The following PRRX2 variants were observed in gnomAD, a reference collection of about 807,000 sequenced individuals.
PRRX2 encodes paired related homeobox 2.
Under a neutral mutation model 18.0 loss-of-function variants are expected in PRRX2, and 11 were observed. The ratio of observed to expected loss-of-function variants is 0.61; its 90% CI spans 0.39 to 1.01. The LOEUF (loss-of-function observed/expected upper bound fraction) is 1.01. Ranked by LOEUF, PRRX2 falls within the 50% of genes least tolerant of loss-of-function variation. The probability of loss-of-function intolerance (pLI) is 0.01; values close to 1 mark genes in which losing one functional copy is unlikely to be tolerated. For synonymous variants in PRRX2, 177 were observed against 154.8 expected (o/e 1.14, Z -1.06); for missense variants, 387 against 351.0 (o/e 1.10, Z -0.82).
At chr9:129,717,818 A>G (rs979053327) in intron 1 of PRRX2, among the ~76,000 whole-genome samples, 2 of 152,134 alleles carry the variant, frequency 1.3e-5, no homozygotes, top group African/African-American at 4.8e-5. Flanking sequence ...TTACTGTGAC[A>G]AGCAGTGTGA....
intron 1 of PRRX2, among the ~76,000 whole-genome samples, chr9:129,692,427 G>T (rs11792380): frequency 0.27 from 40,342 of 150,064 alleles, 7,863 homozygotes; most frequent in African/African-American, 0.55. Flanking sequence ...AGTCCATAGT[G>T]TACATTGGGG....
At chr9:129,714,583 G>A (rs972036997) in intron 1 of PRRX2, among the ~76,000 whole-genome samples, 2 of 152,124 alleles carry the variant, frequency 1.3e-5, no homozygotes, top group African/African-American at 4.8e-5. Context: ...GCTGACTTGG[G>A]AAGCAGTGAG....
At position 129,709,559 on chromosome 9, in the gene PRRX2, G is replaced by A. The variant is rs990860600; in HGVS notation, c.260-9672G>A. Among the ~76,000 whole-genome samples the A allele has an allele frequency of 3.9e-5, 6 of 152,178 alleles. No homozygotes were observed. The highest frequency in any genetic ancestry group is 5.9e-5 in the Non-Finnish European group (4 of 68,016). On this transcript the variant is annotated intron_variant, in intron 1 of 3. Transcript: ENST00000372469. This position sits in a 1 kb window ranked among gnomAD's most constrained non-coding sequence, Gnocchi z 4.2. The stretch of plus-strand genomic sequence containing the variant: ...CGCTCTTGTGTGCTGTGCCGAGGCC[G>A]GGGAAGCCATGGGATGGGGCCCCCT...
chr9:129,722,109 C>T, intron 3 of PRRX2, 108 bp from the exon 4 acceptor site: 1 of 1,480,486 alleles, frequency 6.8e-7, no homozygotes, highest in Admixed American at 2.0e-5. Context: ...GAAGGCTGCC[C>T]AGGAGAGCAA....
Position 129,677,305 on chromosome 9 carries a change from G to A in PRRX2, c.259+11179G>A, listed in dbSNP as rs551943410. ...GAAGCTTTATCCTCATCTTACAGGCGAGGAAACCGAGGCTTAGAAGGATAA... is the reference window on the plus strand; with the variant it reads ...GAAGCTTTATCCTCATCTTACAGGCAAGGAAACCGAGGCTTAGAAGGATAA... On this transcript the variant is annotated intron_variant, in intron 1 of 3. Transcript: ENST00000372469. 1.2e-4 allele frequency among the ~76,000 whole-genome samples: 18 copies of A among 152,354 alleles called. No homozygotes were observed. In the East Asian group the frequency reaches 3.3e-3, roughly 28 times the overall value.
chr9:129,703,693 T>G (rs1046677809), intron 1 of PRRX2, among the ~76,000 whole-genome samples: 2 of 151,534 alleles, frequency 1.3e-5, no homozygotes, highest in African/African-American at 2.4e-5. Context: ...AAATTAAGGG[T>G]GTGGAAGAAG....
intron 1 of PRRX2, among the ~76,000 whole-genome samples, chr9:129,713,677 C>T (rs1210302946): frequency 1.3e-5 from 2 of 151,542 alleles, no homozygotes; most frequent in East Asian, 3.9e-4. Context: ...GTTGCCCAGA[C>T]TGGAGTGCAA....
chr9:129,717,075 A>G (rs1262578067), intron 1 of PRRX2, among the ~76,000 whole-genome samples: 1 of 151,066 alleles, frequency 6.6e-6, no homozygotes, highest in East Asian at 2.0e-4. Flanking sequence ...GAGACAGAGT[A>G]TTGCTCTGTC....
At position 129,665,712 on chromosome 9, in the gene PRRX2, C is replaced by A. The variant is rs902492042; in HGVS notation, c.-156C>A. 2.8e-5 allele frequency: 13 copies of A among 460,964 alleles called. No homozygotes were observed. Among genetic ancestry groups the A allele is most frequent in the African/African-American group, 2.8e-4 (13 of 47,080 alleles). The allele number at this position is 460,964 out of a possible 1,614,324, so 28.6% of individuals were successfully genotyped here. A position where few individuals can be genotyped will look rare whatever the true frequency, so the allele number is the denominator to read the frequency against. The stretch of plus-strand genomic sequence containing the variant: ...AAGGGGAGGGCGGAAAGTTTGTTTC[C>A]CCGACGTCAGCGCCGGGCGGGCCGC... On this transcript the variant is annotated 5_prime_UTR_variant, in exon 1 of 4. Transcript: ENST00000372469. The surrounding 1 kb of genome is among the most constrained non-coding windows in gnomAD (Gnocchi z 5.3).
chr9:129,672,709 G>C (rs1208088045), intron 1 of PRRX2, among the ~76,000 whole-genome samples: 2 of 152,180 alleles, frequency 1.3e-5, no homozygotes, highest in African/African-American at 4.8e-5. Context: ...TGGGGTGTTT[G>C]ACATGGGAGT....
chr9:129,716,744 C>T (rs955382536), intron 1 of PRRX2, among the ~76,000 whole-genome samples: 3 of 152,066 alleles, frequency 2.0e-5, no homozygotes, highest in South Asian at 2.1e-4. Flanking sequence ...CATGAGCCAC[C>T]GTGCCTGGCC....
chr9:129,673,690 G>A (rs955428579), intron 1 of PRRX2, among the ~76,000 whole-genome samples: 14 of 146,232 alleles, frequency 9.6e-5, no homozygotes, highest in Non-Finnish European at 1.8e-4. Context: ...GCACACACAC[G>A]CCCCTCATCA....
At chr9:129,720,281 C>G (rs2909201) in intron 2 of PRRX2, among the ~76,000 whole-genome samples, 3 of 148,776 alleles carry the variant, frequency 2.0e-5, no homozygotes, top group South Asian at 2.1e-4. Context: ...GCCTCTCCCC[C>G]CGAGTGCTCA....
At chr9:129,669,845 C>T (rs1473429580) in intron 1 of PRRX2, among the ~76,000 whole-genome samples, 1 of 151,900 alleles carries the variant, frequency 6.6e-6, no homozygotes, top group South Asian at 2.1e-4. Context: ...ATAAAAGATG[C>T]CTAACATCAG....
intron 1 of PRRX2, among the ~76,000 whole-genome samples, chr9:129,689,383 C>T (rs1400589440): frequency 6.6e-6 from 1 of 152,214 alleles, no homozygotes; most frequent in East Asian, 1.9e-4. Flanking sequence ...CTTAGTGCTC[C>T]GCTTGAAGGA....
intron 1 of PRRX2, among the ~76,000 whole-genome samples, chr9:129,714,054 G>A: frequency 6.6e-6 from 1 of 151,724 alleles, no homozygotes; most frequent in Non-Finnish European, 1.5e-5. Context: ...TGTAATCCCA[G>A]CATTTTGGGA....
intron 1 of PRRX2, among the ~76,000 whole-genome samples, chr9:129,670,243 A>T (rs1222579046): frequency 6.6e-6 from 1 of 151,824 alleles, no homozygotes; most frequent in African/African-American, 2.4e-5. Context: ...ATCTACAGAC[A>T]CGTGGGTTGT....
intron 1 of PRRX2, among the ~76,000 whole-genome samples, chr9:129,716,454 C>CTTTT (rs71497484): frequency 1.5e-5 from 2 of 137,160 alleles, no homozygotes; most frequent in Non-Finnish European, 1.6e-5. Context: ...TGCTTTCTTT[C>CTTTT]TTTTTTTTTT....
At chr9:129,698,538 G>A (rs138218117) in intron 1 of PRRX2, among the ~76,000 whole-genome samples, 7 of 152,366 alleles carry the variant, frequency 4.6e-5, no homozygotes, top group African/African-American at 1.7e-4. Flanking sequence ...CCGGAAAAGG[G>A]GAGCTGGGAT....
Sources: gnomAD v4.1 joint callset for allele counts (sites outside exome capture counted in the v4.1 genomes callset) on GRCh38, gnomAD v4.1.1 for gene constraint, Gnocchi (gnomAD v3.1) non-coding constraint, MANE v1.5 for transcripts, NCBI Gene and HGNC (gene_info 2026-07-23, HGNC 2026-07-21) for gene names.